The following CUBN variants were observed in gnomAD, a reference collection of about 807,000 sequenced individuals.
CUBN encodes the protein cubilin, also known as 460 kDa receptor.
CUBN carries 282 observed loss-of-function variants against 405.3 expected under a neutral mutation model. The ratio of observed to expected loss-of-function variants is 0.70; its 90% confidence interval spans 0.63 to 0.77. The LOEUF is 0.77. Among genes scored for constraint, CUBN ranks in the 30% least tolerant of loss-of-function variants. The probability of loss-of-function intolerance (pLI) is 0.00; values close to 1 mark genes in which losing one functional copy is unlikely to be tolerated. For synonymous variants in CUBN, 1,684 were observed against 1,617.0 expected (o/e 1.04, Z -0.99); for missense variants, 4,514 against 4,475.2 (o/e 1.01, Z -0.25).
Position 16,851,284 on chromosome 10 carries a change from G to T in CUBN, c.9614C>A (p.Ala3205Asp). 6.2e-7 allele frequency: 1 copy of T among 1,614,124 alleles called. No homozygotes were observed. The highest frequency in any genetic ancestry group is 1.1e-5 in the South Asian group (1 of 91,090). The change falls in exon 60 of 67, where the codon GCT (alanine) becomes GAT (aspartate). Residue 3205 changes from alanine to aspartate, a missense_variant. Ala to Asp is a moderately radical substitution (Grantham distance 126). Transcript: ENST00000377833. Reference sequence around the variant, plus strand: ...TTGCCTAGTACTTGCTGCCTCCAGAGCAAATGTATTGAAGGTGAGGTGAAT... The same window carrying T: ...TTGCCTAGTACTTGCTGCCTCCAGATCAAATGTATTGAAGGTGAGGTGAAT... ...KVIHLTFNTF[A>D]LEAASTRQRC...
intron 21 of CUBN, among the ~76,000 whole-genome samples, chr10:17,065,957 T>C (rs553603227): frequency 1.3e-5 from 2 of 152,262 alleles, no homozygotes; most frequent in South Asian, 4.1e-4. Context: ...AATAAACTTA[T>C]ACAACAAAGG....
intron 27 of CUBN, among the ~76,000 whole-genome samples, chr10:17,024,799 C>T (rs766951597): frequency 2.6e-5 from 4 of 152,158 alleles, no homozygotes; most frequent in Non-Finnish European, 5.9e-5. Context: ...AGCCACCATG[C>T]CCAGCCCCAA....
At chr10:16,970,406 C>G (rs1458285167) in intron 31 of CUBN, among the ~76,000 whole-genome samples, 2 of 152,160 alleles carry the variant, frequency 1.3e-5, no homozygotes, top group African/African-American at 4.8e-5. Context: ...GAAACCCCAT[C>G]TCCACTAAAA....
chr10:16,839,581 G>C (rs1482218508), intron 62 of CUBN, among the ~76,000 whole-genome samples: 1 of 95,040 alleles, frequency 1.1e-5, no homozygotes, highest in Non-Finnish European at 3.1e-5. Context: ...TGCTGGAGAG[G>C]ATGTGGAGAA....
chr10:17,004,318 A>G (rs12255850), intron 28 of CUBN, among the ~76,000 whole-genome samples: 2,441 of 152,318 alleles, frequency 0.016, 63 homozygotes, highest in African/African-American at 0.056. Flanking sequence ...TACCTTGCAC[A>G]GTTTTGGATA....
chr10:16,892,127 A>G (rs1456448922), intron 54 of CUBN, among the ~76,000 whole-genome samples: 1 of 152,162 alleles, frequency 6.6e-6, no homozygotes. Flanking sequence ...GTGAAATAGC[A>G]CTGATTCATA....
At chr10:16,849,461 C>T (rs555022778) in intron 60 of CUBN, among the ~76,000 whole-genome samples, 3 of 152,214 alleles carry the variant, frequency 2.0e-5, no homozygotes, top group South Asian at 4.2e-4. Flanking sequence ...GTCTTCTCAC[C>T]GGAGCCCCGT....
chr10:16,952,224 C>G (rs1842939098), intron 33 of CUBN, 52 bp downstream of exon 33: 9 of 1,342,728 alleles, frequency 6.7e-6, no homozygotes, highest in Non-Finnish European at 9.6e-6. Context: ...CTGACCTTCC[C>G]ACAGACACCT....
intron 6 of CUBN, among the ~76,000 whole-genome samples, chr10:17,116,041 C>G (rs907337331): frequency 1.3e-5 from 2 of 152,112 alleles, no homozygotes; most frequent in African/African-American, 4.8e-5. Context: ...ATTATATAAC[C>G]CCACACGCAA....
rs576426768 is a variant in CUBN at position 17,075,213 on chromosome 10, AGCT to A, written c.2302-3245_2302-3243del. ...ATTCTCCTGCCTCAGCCTCCCAAAT[AGCT>A]GAGACTGCAAGGGCACGCCACCACG... On this transcript the variant is annotated intron_variant, in intron 17 of 66. Coordinates refer to ENST00000377833, the MANE Select transcript of CUBN (RefSeq NM_001081.4). 2.6e-3 allele frequency among the ~76,000 whole-genome samples: 394 copies of A among 150,260 alleles called. 1 individual carries two copies. Among genetic ancestry groups the A allele is most frequent in the African/African-American group, 8.9e-3 (365 of 40,834 alleles).
At chr10:16,919,415 G>C (rs1469666048) in intron 44 of CUBN, among the ~76,000 whole-genome samples, 1 of 152,202 alleles carries the variant, frequency 6.6e-6, no homozygotes, top group Non-Finnish European at 1.5e-5. Flanking sequence ...TTCAAGGAAA[G>C]AGAAAAATGT....
At chr10:16,897,869 A>G (rs1841236550) in intron 54 of CUBN, among the ~76,000 whole-genome samples, 1 of 152,100 alleles carries the variant, frequency 6.6e-6, no homozygotes, top group Admixed American at 6.5e-5. Context: ...GCCCGATGTT[A>G]TCAGAGGGAC....
intron 36 of CUBN, among the ~76,000 whole-genome samples, chr10:16,941,104 T>A (rs982737345): frequency 3.9e-5 from 6 of 152,144 alleles, no homozygotes; most frequent in Non-Finnish European, 7.3e-5. Context: ...AAACTTGGCC[T>A]TACTGCTTAA....
intron 31 of CUBN, among the ~76,000 whole-genome samples, chr10:16,974,824 C>A (rs1003679182): frequency 2.6e-5 from 4 of 152,108 alleles, no homozygotes; most frequent in Admixed American, 1.3e-4. Flanking sequence ...AGGATGAAGA[C>A]CTTTATGATG....
chr10:16,966,571 C>T (rs1843397962), intron 31 of CUBN, among the ~76,000 whole-genome samples: 1 of 152,120 alleles, frequency 6.6e-6, no homozygotes, highest in South Asian at 2.1e-4. Flanking sequence ...GTCTCAGCCT[C>T]CAAAGTAGCT....
chr10:17,058,959 T>G (rs1835449283), intron 22 of CUBN, among the ~76,000 whole-genome samples: 1 of 152,090 alleles, frequency 6.6e-6, no homozygotes, highest in African/African-American at 2.4e-5. Flanking sequence ...CAGTTTAGCC[T>G]TTTATTATGG....
chr10:17,024,999 C>G (rs1444608029), intron 27 of CUBN, among the ~76,000 whole-genome samples: 2 of 152,150 alleles, frequency 1.3e-5, no homozygotes, highest in Non-Finnish European at 2.9e-5. Flanking sequence ...AAAAGCAACT[C>G]AAGAGTTTCT....
Position 16,840,301 on chromosome 10 carries a change from G to A in CUBN, c.10032+29C>T, listed in dbSNP as rs756429687. 55 of 1,569,674 alleles carry A rather than the reference G, an allele frequency of 3.5e-5. No individual in the cohort carries two copies. In the South Asian group the frequency reaches 5.7e-4, roughly 16 times the overall value. On this transcript the variant is annotated intron_variant, in intron 62 of 66. Transcript: ENST00000377833. The stretch of plus-strand genomic sequence containing the variant: ...AATACTGGTGAAAAGGTCACTAGAT[G>A]TGACTGCCATTCATCTTATAATTGT...
intron 4 of CUBN, among the ~76,000 whole-genome samples, chr10:17,124,758 T>A (rs1432680465): frequency 6.8e-6 from 1 of 148,148 alleles, no homozygotes; most frequent in African/African-American, 2.5e-5. Context: ...GAACACTTGA[T>A]TATGCAATGA....
Sources: gnomAD v4.1 joint callset for allele counts (sites outside exome capture counted in the v4.1 genomes callset) on GRCh38, gnomAD v4.1.1 for gene constraint, MANE v1.5 for transcripts, NCBI Gene and HGNC (gene_info 2026-07-23, HGNC 2026-07-21) for gene names.